RPL26: variants seen among roughly 807,000 people sequenced by gnomAD.
RPL26 encodes ribosomal protein L26, also known as large ribosomal subunit protein uL24.
In RPL26, 1 loss-of-function variant was observed where a neutral mutation model predicts 16.2. The ratio of observed to expected loss-of-function variants is 0.06; its 90% CI spans 0.02 to 0.29. The LOEUF (loss-of-function observed/expected upper bound fraction) is 0.29. Ranked by LOEUF, RPL26 falls within the 10% of genes least tolerant of loss-of-function variation. The pLI is 1.00. For missense variants in RPL26, 102 were observed against 184.3 expected (o/e 0.55, Z 2.58); for synonymous variants, 55 against 62.4 (o/e 0.88, Z 0.56).
intron 3 of RPL26, among the ~76,000 whole-genome samples, chr17:8,378,782 C>G (rs1051870073): frequency 6.6e-6 from 1 of 152,050 alleles, no homozygotes; most frequent in South Asian, 2.1e-4. Context: ...ATAGGGAGCC[C>G]GAAAACATTT....
Position 8,382,322 on chromosome 17 carries a change from A to G in RPL26, c.-5-7T>C, listed in dbSNP as rs748802094. On this transcript the variant is annotated splice_region_variant and splice_polypyrimidine_tract_variant and intron_variant, in intron 1 of 3. Transcript: ENST00000648839. ...GGATTAAACTTCATTTTGGCTAAATAAAAAGTTAAAAAGACTCTTAAATGA... is the reference window on the plus strand; with the variant it reads ...GGATTAAACTTCATTTTGGCTAAATGAAAAGTTAAAAAGACTCTTAAATGA... 4 of 1,602,622 alleles carry G rather than the reference A, an allele frequency of 2.5e-6. No individual in the cohort carries two copies. Among genetic ancestry groups the G allele is most frequent in the African/African-American group, 2.7e-5 (2 of 74,606 alleles).
chr17:8,379,509 G>C (rs1054140809), intron 3 of RPL26: 3 of 521,156 alleles, frequency 5.8e-6, no homozygotes, highest in African/African-American at 5.7e-5. Flanking sequence ...GGGAGGTGGA[G>C]GCTGCAGTGA....
At chr17:8,378,318 C>G (rs1180610769) in intron 3 of RPL26, among the ~76,000 whole-genome samples, 2 of 152,040 alleles carry the variant, frequency 1.3e-5, no homozygotes, top group Non-Finnish European at 2.9e-5. Flanking sequence ...CCTGGGCGAT[C>G]AATCGAGACT....
At chr17:8,382,367 C>A in intron 1 of RPL26, 52 bp from the exon 2 acceptor site, 1 of 1,305,514 alleles carries the variant, frequency 7.7e-7, no homozygotes, top group South Asian at 1.2e-5. Flanking sequence ...CATCCAGCTT[C>A]CAAACAAATA....
At chr17:8,377,780 A>C in intron 3 of RPL26, 88 bp from the exon 4 acceptor site, 1 of 1,262,012 alleles carries the variant, frequency 7.9e-7, no homozygotes, top group Admixed American at 2.5e-5. Flanking sequence ...CCATTTCCCA[A>C]ACCTGGGGTA....
chr17:8,381,346 C>A (rs771239584), intron 2 of RPL26: 1 of 152,306 alleles, frequency 6.6e-6, no homozygotes, highest in East Asian at 1.9e-4. Flanking sequence ...CTAGATAAAT[C>A]GGCTCTATCT....
At chr17:8,380,947 G>A (rs538402811) in intron 2 of RPL26, 4 of 152,172 alleles carry the variant, frequency 2.6e-5, no homozygotes, top group African/African-American at 9.6e-5. Context: ...TTAGCTGCAA[G>A]ACTAGAAATT....
chr17:8,380,307 T>A (rs1297970205), intron 2 of RPL26, among the ~76,000 whole-genome samples: 1 of 152,226 alleles, frequency 6.6e-6, no homozygotes, highest in East Asian at 1.9e-4. Context: ...GTTTGTGACT[T>A]TCTTGCATTG....
intron 3 of RPL26, 63 bp from the exon 4 acceptor site, chr17:8,377,755 G>C: frequency 2.0e-6 from 3 of 1,484,012 alleles, no homozygotes; most frequent in Non-Finnish European, 2.7e-6. Flanking sequence ...ACAAGGGAAA[G>C]CCCAACATTC....
chr17:8,382,483 G>A, intron 1 of RPL26, 168 bp from the exon 2 acceptor site: 2 of 567,654 alleles, frequency 3.5e-6, no homozygotes, highest in Admixed American at 6.8e-5. Context: ...ACCGAAGCTC[G>A]AAACTTTTTA....
intron 2 of RPL26, 22 bp downstream of exon 2, chr17:8,382,121 G>A: frequency 6.2e-7 from 1 of 1,602,838 alleles, no homozygotes; most frequent in Non-Finnish European, 8.5e-7. Context: ...TCAAGACAAC[G>A]AGAACAAGTA....
Position 8,377,535 on chromosome 17 carries a change from T to G in RPL26, c.*29A>C. ...AAAACACAGGCTCTTTGTTTCAAGT[T>G]TTAATCAAAGCTTGTATATAAGATT... On this transcript the variant is annotated 3_prime_UTR_variant, in exon 4 of 4. Coordinates refer to ENST00000648839, the MANE Select transcript of RPL26 (RefSeq NM_000987.5). The G allele has an allele frequency of 6.4e-7, 1 of 1,552,408 alleles. No individual in the cohort carries two copies. Among genetic ancestry groups the G allele is most frequent in the South Asian group, 1.2e-5 (1 of 86,036 alleles).
chr17:8,381,630 AGT>A (rs1449413768), intron 2 of RPL26, among the ~76,000 whole-genome samples: 3 of 152,124 alleles, frequency 2.0e-5, no homozygotes, highest in Non-Finnish European at 4.4e-5. Context: ...TCTGGGTAAG[AGT>A]GAGACCCCAT....
At chr17:8,380,045 T>C in intron 2 of RPL26, 109 bp from the exon 3 acceptor site, 1 of 935,854 alleles carries the variant, frequency 1.1e-6, no homozygotes, top group Non-Finnish European at 1.6e-6. Flanking sequence ...ATTAAAAGGT[T>C]AAAAAAAAGA....
rs1907323059 is a variant in RPL26 at position 8,379,659 on chromosome 17, A to C, written c.309+137T>G. ...GTATTAGAATTTTCAATACAAGTGC[A>C]GTAGTATTTACTTTAAAATGTTTTT... On this transcript the variant is annotated intron_variant, in intron 3 of 3. Transcript: ENST00000648839. 2.5e-5 allele frequency: 18 copies of C among 724,870 alleles called. No individual in the cohort carries two copies. The South Asian group carries it at 3.3e-4, about 13-fold the overall frequency. 44.9% of individuals were successfully genotyped at this position (724,870 alleles called of 1,614,324 possible). A position where few individuals can be genotyped will look rare whatever the true frequency, so the allele number is the denominator to read the frequency against.
chr17:8,383,049 G>A lies in RPL26; in HGVS notation c.-6+108C>T, dbSNP rs1597497012. 1.3e-5 allele frequency: 5 copies of A among 398,576 alleles called. No homozygotes were observed. The East Asian group carries it at 1.8e-4, about 14-fold the overall frequency. 24.7% of individuals were successfully genotyped at this position (398,576 alleles called of 1,614,324 possible). Reference sequence around the variant, plus strand: ...AAAACCATCCCAGTCTCTCCTTCCTGGCTGCTACTCGGCCGACAAGAGACT... The same window carrying A: ...AAAACCATCCCAGTCTCTCCTTCCTAGCTGCTACTCGGCCGACAAGAGACT... On this transcript the variant is annotated intron_variant, in intron 1 of 3. Coordinates refer to ENST00000648839, the MANE Select transcript of RPL26 (RefSeq NM_000987.5).
intron 3 of RPL26, 29 bp from the exon 4 acceptor site, chr17:8,377,721 C>A: frequency 6.3e-7 from 1 of 1,590,388 alleles, no homozygotes; most frequent in East Asian, 2.2e-5. Flanking sequence ...AAAACACTCC[C>A]AAGCTTTAAA....
At chr17:8,382,346 G>A (rs760456063) in intron 1 of RPL26, 31 bp from the exon 2 acceptor site, 3 of 1,496,066 alleles carry the variant, frequency 2.0e-6, no homozygotes, top group East Asian at 2.3e-5. Context: ...ACTCTTAAAT[G>A]ACCAAAATCT....
In RPL26 at chr17:8,379,894, C is replaced by T; in HGVS notation, c.211G>A (p.Val71Ile). 6.2e-7 allele frequency: 1 copy of T among 1,613,784 alleles called. No individual in the cohort carries two copies. Among genetic ancestry groups the T allele is most frequent in the Non-Finnish European group, 8.5e-7 (1 of 1,179,680 alleles). Residue 71 changes from valine to isoleucine, a missense_variant, in exon 3 of 4, where the codon GTC (valine) becomes ATC (isoleucine). Coordinates refer to ENST00000648839, the MANE Select transcript of RPL26 (RefSeq NM_000987.5). ...ACATATTTCTTCCTGTAAACCTGGACTACTTTGCCAATTTGCTGACCTTTA... is the reference window on the plus strand; with the variant it reads ...ACATATTTCTTCCTGTAAACCTGGATTACTTTGCCAATTTGCTGACCTTTA... ...HYKGQQIGKV[V>I]QVYRKKYVIY... is the part of the protein sequence containing the mutation.
Sources: allele counts gnomAD v4.1 joint callset (sites outside exome capture counted in the v4.1 genomes callset), GRCh38; gene constraint gnomAD v4.1.1; transcripts MANE v1.5; gene names NCBI Gene and HGNC (gene_info 2026-07-23, HGNC 2026-07-21).